Variants in PTH2R observed in about 807,000 individuals in gnomAD.
The protein encoded by PTH2R is parathyroid hormone 2 receptor, also known as PTH2 receptor.
A neutral mutation model predicts 60.3 loss-of-function variants in PTH2R; 59 were observed. The observed-to-expected ratio is 0.98, with a 90% CI of 0.79 to 1.22. The LOEUF is 1.22. Ranked by LOEUF, PTH2R falls within the 50% of genes most tolerant of loss-of-function variation. The probability of loss-of-function intolerance (pLI) is 0.00; values close to 1 mark genes in which losing one functional copy is unlikely to be tolerated. For missense variants in PTH2R, 749 were observed against 682.6 expected (o/e 1.10, Z -1.08); for synonymous variants, 256 against 243.8 (o/e 1.05, Z -0.47).
chr2:208,485,445 CA>C (rs1703250553), intron 10 of PTH2R, among the ~76,000 whole-genome samples: 1 of 152,138 alleles, frequency 6.6e-6, no homozygotes, highest in Non-Finnish European at 1.5e-5. Context: ...TAAAAACGTA[CA>C]ATGTGCATGG....
chr2:208,387,996 A>T (rs936294460), intron 1 of PTH2R, among the ~76,000 whole-genome samples: 1 of 152,148 alleles, frequency 6.6e-6, no homozygotes, highest in African/African-American at 2.4e-5. Context: ...GGAATAATAA[A>T]TTAACTAGCA....
intron 1 of PTH2R, among the ~76,000 whole-genome samples, chr2:208,377,578 TGGCCGGGC>T (rs1436628103): frequency 6.7e-6 from 1 of 148,538 alleles, no homozygotes; most frequent in Non-Finnish European, 1.5e-5. Flanking sequence ...ACGGGGCGGC[TGGCCGGGC>T]GGGGGCTGAC....
chr2:208,487,605 T>G (rs986698511), intron 10 of PTH2R, among the ~76,000 whole-genome samples: 34 of 152,168 alleles, frequency 2.2e-4, no homozygotes, highest in African/African-American at 7.7e-4. Flanking sequence ...CCTAGCGGCT[T>G]AAAACAACTC....
exon 1 of PTH2R, chr2:208,359,932 G>A (rs745520056): frequency 1.2e-5 from 3 of 242,056 alleles, no homozygotes; most frequent in Non-Finnish European, 2.5e-5. Flanking sequence ...GATCTGCGGG[G>A]CGCCCAGTCA....
intron 9 of PTH2R, among the ~76,000 whole-genome samples, chr2:208,471,787 T>TCCA (rs1702887390): frequency 1.3e-5 from 2 of 152,136 alleles, no homozygotes; most frequent in African/African-American, 4.8e-5. Context: ...CACCAACAAC[T>TCCA]TGCACCATGT....
At chr2:208,449,841 A>G (rs1702367505) in intron 7 of PTH2R, among the ~76,000 whole-genome samples, 1 of 152,298 alleles carries the variant, frequency 6.6e-6, no homozygotes, top group African/African-American at 2.4e-5. Context: ...TCTTGGCTAG[A>G]CCAAAATTTT....
intron 1 of PTH2R, among the ~76,000 whole-genome samples, chr2:208,399,835 C>T (rs889851562): frequency 1.3e-5 from 2 of 152,158 alleles, no homozygotes; most frequent in African/African-American, 4.8e-5. Context: ...CCCAACATAG[C>T]ATGTTTACCA....
At chr2:208,374,985 G>T (rs755392218) in intron 1 of PTH2R, among the ~76,000 whole-genome samples, 4 of 152,080 alleles carry the variant, frequency 2.6e-5, no homozygotes, top group Admixed American at 6.6e-5. Flanking sequence ...ATAATCATAA[G>T]ATGTGAGGTG....
intron 10 of PTH2R, among the ~76,000 whole-genome samples, chr2:208,488,205 G>A (rs1178117691): frequency 3.9e-5 from 6 of 152,114 alleles, no homozygotes; most frequent in Non-Finnish European, 5.9e-5. Flanking sequence ...TAGACCTAAA[G>A]GCACCTTGAG....
chr2:208,377,538 G>A (rs1292334274), intron 1 of PTH2R, among the ~76,000 whole-genome samples: 1 of 147,310 alleles, frequency 6.8e-6, no homozygotes, highest in Non-Finnish European at 1.5e-5. Context: ...GGCTGGCCGG[G>A]CGGGGGCTGA....
At chr2:208,476,374 T>C (rs1703003916) in intron 9 of PTH2R, among the ~76,000 whole-genome samples, 1 of 152,182 alleles carries the variant, frequency 6.6e-6, no homozygotes, top group South Asian at 2.1e-4. Flanking sequence ...CCTTCAGAAC[T>C]CCTTTTCTTT....
intron 1 of PTH2R, among the ~76,000 whole-genome samples, chr2:208,374,043 A>C (rs1252682055): frequency 6.6e-6 from 1 of 151,930 alleles, no homozygotes; most frequent in Non-Finnish European, 1.5e-5. Flanking sequence ...TACTGCATAT[A>C]GGAATAGCCC....
intron 8 of PTH2R, among the ~76,000 whole-genome samples, chr2:208,455,474 T>A (rs552316067): frequency 6.6e-6 from 1 of 152,314 alleles, no homozygotes; most frequent in South Asian, 2.1e-4. Flanking sequence ...TGCAAAATAT[T>A]CCACTTTCTT....
chr2:208,376,747 A>G (rs1478517939), intron 1 of PTH2R, among the ~76,000 whole-genome samples: 1 of 151,910 alleles, frequency 6.6e-6, no homozygotes, highest in Non-Finnish European at 1.5e-5. Context: ...TGCCTTGGAC[A>G]TATTCCTATA....
Position 208,481,182 on chromosome 2 carries a change from A to AAT in PTH2R, c.1076+18_1076+19insAT. ...CAATACAGGTAATTTCAGGAGAGGC[A>AAT]TCCATCAGAGGAAATATTTTGGTTA... On this transcript the variant is annotated intron_variant, in intron 10 of 12. Coordinates refer to ENST00000272847, the MANE Select transcript of PTH2R (RefSeq NM_005048.4). 6.6e-7 allele frequency: 1 copy of AAT among 1,520,286 alleles called. No individual in the cohort carries two copies. Among genetic ancestry groups the AAT allele is most frequent in the Non-Finnish European group, 9.0e-7 (1 of 1,106,334 alleles). The allele number at this position is 1,520,286 out of a possible 1,614,324, so 94.2% of individuals were successfully genotyped here. A position where few individuals can be genotyped will look rare whatever the true frequency, so the allele number is the denominator to read the frequency against.
intron 1 of PTH2R, among the ~76,000 whole-genome samples, chr2:208,381,511 C>T (rs909590989): frequency 1.3e-5 from 2 of 152,122 alleles, no homozygotes; most frequent in African/African-American, 4.8e-5. Flanking sequence ...CAGCCTCAAA[C>T]TCTTGGGCTT....
Position 208,481,107 on chromosome 2 carries a change from T to A in PTH2R, c.1019T>A (p.Leu340Gln), listed in dbSNP as rs777408846. Residue 340 changes from leucine (L) to glutamine (Q), a missense_variant, in exon 10 of 13, where the codon CTA becomes CAA. By Grantham distance (113) the Leu-to-Gln change is moderately radical. Transcript: ENST00000272847. ...FILFLNTVRV[L>Q]ATKIWETNAV... ...CTGTTTCTGAATACGGTTAGAGTTC[T>A]AGCTACCAAAATCTGGGAGACCAAT... 44 of 1,612,228 alleles carry A rather than the reference T, an allele frequency of 2.7e-5. No homozygotes were observed. The highest frequency in any genetic ancestry group is 8.3e-5 in the Admixed American group (5 of 59,974).
Position 208,459,717 on chromosome 2 carries a change from A to G in PTH2R, c.915-178A>G, listed in dbSNP as rs544366610. Among the ~76,000 whole-genome samples, 13 of 152,294 alleles carry G rather than the reference A, an allele frequency of 8.5e-5. 1 individual carries two copies. The South Asian group carries it at 2.7e-3, about 32-fold the overall frequency. ...GGGGTAGCTAATAATATGAAAATCA[A>G]TACCCGTTACACTTTTTCCCCCCAC... On this transcript the variant is annotated intron_variant, in intron 8 of 12. Coordinates refer to ENST00000272847, the MANE Select transcript of PTH2R (RefSeq NM_005048.4).
chr2:208,450,879 T>C lies in PTH2R; in HGVS notation c.914+70T>C, dbSNP rs1048573873. On this transcript the variant is annotated intron_variant, in intron 8 of 12. Transcript: ENST00000272847. ...AAGACTCAGGCTTCCTGCTCAGAAT[T>C]CACACTCGCTTCTGTTCTTGATGCC... The C allele has an allele frequency of 9.3e-6, 14 of 1,508,894 alleles. No individual in the cohort carries two copies. The African/African-American group carries it at 1.8e-4, about 19-fold the overall frequency. 93.5% of individuals were successfully genotyped at this position (1,508,894 alleles called of 1,614,324 possible).
Sources: gnomAD v4.1 joint callset for allele counts (sites outside exome capture counted in the v4.1 genomes callset) on GRCh38, gnomAD v4.1.1 for gene constraint, MANE v1.5 for transcripts, NCBI Gene and HGNC (gene_info 2026-07-23, HGNC 2026-07-21) for gene names.